The following SOCS4 variants were observed in gnomAD, a reference collection of about 807,000 sequenced individuals.
SOCS4 encodes SH2 domain containing SOCS box protein.
In SOCS4, 20 loss-of-function variants were observed where a neutral mutation model predicts 34.1. That is an observed-to-expected ratio of 0.59 (90% CI 0.41 to 0.85). The LOEUF is 0.85. Among genes scored for constraint, SOCS4 ranks in the 40% least tolerant of loss-of-function variants. The probability of loss-of-function intolerance (pLI) is 0.00; values close to 1 mark genes in which losing one functional copy is unlikely to be tolerated. For synonymous variants in SOCS4, 180 were observed against 186.4 expected, an observed-to-expected ratio of 0.97 and a Z score of 0.28; for missense variants, 479 against 532.4, an observed-to-expected ratio of 0.90 and a Z score of 0.99.
At chr14:55,041,413 A>G (rs1334171812) in intron 2 of SOCS4, among the ~76,000 whole-genome samples, 1 of 133,826 alleles carries the variant, frequency 7.5e-6, no homozygotes, top group Non-Finnish European at 1.6e-5. Flanking sequence ...TTTGTTGCAA[A>G]ATTTATTTTT....
chr14:55,036,370 TCTCA>T (rs1035678563), intron 2 of SOCS4, among the ~76,000 whole-genome samples: 1 of 151,290 alleles, frequency 6.6e-6, no homozygotes, highest in Non-Finnish European at 1.5e-5. Flanking sequence ...TGAGATGAAG[TCTCA>T]CTCTTGTCCC....
chr14:55,028,201 G>A (rs1394978681), intron 1 of SOCS4, among the ~76,000 whole-genome samples: 1 of 151,986 alleles, frequency 6.6e-6, no homozygotes, highest in Non-Finnish European at 1.5e-5. Flanking sequence ...AAACACACAG[G>A]CAAACCGTCG....
intron 1 of SOCS4, among the ~76,000 whole-genome samples, chr14:55,030,436 C>T (rs2042518593): frequency 6.6e-6 from 1 of 151,918 alleles, no homozygotes; most frequent in African/African-American, 2.4e-5. Flanking sequence ...AATGGAAGAG[C>T]CTCCTTGACT....
chr14:55,035,229 A>G (rs922456012), intron 2 of SOCS4, among the ~76,000 whole-genome samples: 6 of 152,296 alleles, frequency 3.9e-5, no homozygotes, highest in Admixed American at 3.3e-4. Context: ...TTTTCACTTT[A>G]TTTTATGGAC....
intron 2 of SOCS4, among the ~76,000 whole-genome samples, chr14:55,040,605 G>A (rs940220386): frequency 4.0e-5 from 6 of 151,852 alleles, no homozygotes; most frequent in East Asian, 1.9e-4. Flanking sequence ...TTAGCCGGGC[G>A]TGGTGGTGGG....
chr14:55,046,577 ATTGC>A lies in SOCS4; in HGVS notation c.*2217_*2220del, dbSNP rs1307013270. 6.0e-6 allele frequency: 1 copy of A among 166,872 alleles called. No individual in the cohort carries two copies. Among genetic ancestry groups the A allele is most frequent in the African/African-American group, 2.4e-5 (1 of 41,420 alleles). The allele number at this position is 166,872 out of a possible 1,614,324, so 10.3% of individuals were successfully genotyped here. Reference sequence around the variant, plus strand: ...GTACCTTTTCATATAATTCAAACTGATTGCTTGTGATATGTTTTCTCTGGCTTTT... The same window carrying A: ...GTACCTTTTCATATAATTCAAACTGATTGTGATATGTTTTCTCTGGCTTTT... On this transcript the variant is annotated 3_prime_UTR_variant, in exon 3 of 3. Coordinates refer to ENST00000555846, the MANE Select transcript of SOCS4 (RefSeq NM_199421.2).
Position 55,044,148 on chromosome 14 carries a change from C to A in SOCS4, c.1107C>A (p.Ala369=). Residue 369 remains alanine (A), a synonymous_variant, in exon 3 of 3, where the codon GCC becomes GCA. Coordinates refer to ENST00000555846, the MANE Select transcript of SOCS4 (RefSeq NM_199421.2). ...TAGAACATTATAAGGACCCAAGCGC[C>A]TGTATGTTCTTTGAACCACTTCTAT... The part of the protein sequence containing the change: ...GLLEHYKDPS[A]CMFFEPLLST... 1 of 1,614,110 alleles carries A rather than the reference C, an allele frequency of 6.2e-7. No homozygotes were observed.
intron 2 of SOCS4, among the ~76,000 whole-genome samples, chr14:55,034,452 G>A (rs986836084): frequency 2.6e-5 from 4 of 152,160 alleles, no homozygotes; most frequent in Non-Finnish European, 4.4e-5. Context: ...TCTTGAGCAT[G>A]AACTTAACAG....
chr14:55,034,101 C>G (rs1351075942), intron 2 of SOCS4, among the ~76,000 whole-genome samples: 1 of 152,136 alleles, frequency 6.6e-6, no homozygotes, highest in Non-Finnish European at 1.5e-5. Context: ...CTGCTGCACT[C>G]CACCCTGGGT....
At chr14:55,037,054 T>C (rs899408399) in intron 2 of SOCS4, among the ~76,000 whole-genome samples, 1 of 152,000 alleles carries the variant, frequency 6.6e-6, no homozygotes, top group African/African-American at 2.4e-5. Context: ...GAAACAGAGG[T>C]TGCAGTGAGC....
rs145972078 is a variant in SOCS4, at chr14:55,044,172, A to G, written c.1131A>G (p.Leu377=). 2.5e-6 allele frequency: 4 copies of G among 1,614,036 alleles called. No homozygotes were observed. The highest frequency in any genetic ancestry group is 1.7e-6 in the Non-Finnish European group (2 of 1,179,964). Residue 377 remains leucine (L), a synonymous_variant, in exon 3 of 3, where the codon CTA becomes CTG. Transcript: ENST00000555846. ...CCTGTATGTTCTTTGAACCACTTCTATCCACTCCCTTAATTCGGACTTTCC... is the reference window on the plus strand; with the variant it reads ...CCTGTATGTTCTTTGAACCACTTCTGTCCACTCCCTTAATTCGGACTTTCC... ...PSACMFFEPL[L]STPLIRTFPF... is the part of the protein sequence containing the mutation.
At position 55,043,546 on chromosome 14, in the gene SOCS4, A is replaced by G; in HGVS notation, c.505A>G (p.Thr169Ala). ...ATGGGTAAGCACAGACTTGTCTCAG[A>G]CTGAATTGAGGGATGGTCAGCTAAA... Reference protein sequence around the residue: ...DEWVSTDLSQTELRDGQLKRR... With the variant: ...DEWVSTDLSQAELRDGQLKRR... Residue 169 changes from threonine (T) to alanine (A), a missense_variant, in exon 3 of 3, where the codon ACT (threonine) becomes GCT (alanine). By Grantham distance (58) the Thr-to-Ala change is moderately conservative (BLOSUM62 0). Transcript: ENST00000555846. 1.2e-6 allele frequency: 2 copies of G among 1,614,184 alleles called. No homozygotes were observed. Among genetic ancestry groups the G allele is most frequent in the South Asian group, 1.1e-5 (1 of 91,082 alleles).
intron 2 of SOCS4, among the ~76,000 whole-genome samples, chr14:55,039,409 G>A (rs1220328603): frequency 2.0e-5 from 3 of 152,186 alleles, no homozygotes; most frequent in East Asian, 3.9e-4. Flanking sequence ...CTGCACTCCA[G>A]CCTGGGCGAT....
At chr14:55,032,471 G>C (rs2042536391) in intron 2 of SOCS4, among the ~76,000 whole-genome samples, 1 of 152,012 alleles carries the variant, frequency 6.6e-6, no homozygotes, top group African/African-American at 2.4e-5. Context: ...GTTTTCTTGA[G>C]AAGGCTTTTA....
rs933072258 is a variant in SOCS4, at chr14:55,047,772, A to T, written c.*3408A>T. On this transcript the variant is annotated 3_prime_UTR_variant, in exon 3 of 3. Transcript: ENST00000555846. ...CGGTATACAAATTCCATTTCTTTTT[A>T]TAAGAAAAACACATAAACCATTATC... 2 of 167,114 alleles carry T rather than the reference A, an allele frequency of 1.2e-5. No homozygotes were observed. The highest frequency in any genetic ancestry group is 2.9e-5 in the Non-Finnish European group (2 of 68,122). The allele number at this position is 167,114 out of a possible 1,614,324, so 10.4% of individuals were successfully genotyped here.
rs1048921286 is a variant in SOCS4 at position 55,045,408 on chromosome 14, G to A, written c.*1044G>A. 6.0e-6 allele frequency: 1 copy of A among 166,880 alleles called. No homozygotes were observed. The highest frequency in any genetic ancestry group is 1.5e-5 in the Non-Finnish European group (1 of 68,014). 10.3% of individuals were successfully genotyped at this position (166,880 alleles called of 1,614,324 possible). A position where few individuals can be genotyped will look rare whatever the true frequency, so the allele number is the denominator to read the frequency against. On this transcript the variant is annotated 3_prime_UTR_variant, in exon 3 of 3. Transcript: ENST00000555846. ...AAGTTGAATTTGAATAAAGATTCCA[G>A]AAATAAACATGGAGCTCAGTATTCA...
In SOCS4 at chr14:55,038,414, T is replaced by C. The variant is rs149334276; in HGVS notation, c.-90-4538T>C. On this transcript the variant is annotated intron_variant, in intron 2 of 2. Transcript: ENST00000555846. ...TGGATATGTGTGCTTCACTGTATGC[T>C]TGGGTGGTCTTCTAGCTTTTTATTG... Among the ~76,000 whole-genome samples the C allele has an allele frequency of 1.3e-3, 197 of 152,320 alleles. 9 individuals carry two copies. The East Asian group carries it at 0.034, about 26-fold the overall frequency.
intron 2 of SOCS4, among the ~76,000 whole-genome samples, chr14:55,038,935 A>T (rs1040169408): frequency 2.0e-5 from 3 of 152,116 alleles, no homozygotes; most frequent in African/African-American, 7.2e-5. Flanking sequence ...TGTTTTCTGT[A>T]CTTCTATTTT....
chr14:55,041,692 C>G (rs2042619428), intron 2 of SOCS4, among the ~76,000 whole-genome samples: 1 of 150,468 alleles, frequency 6.6e-6, no homozygotes, highest in Non-Finnish European at 1.5e-5. Flanking sequence ...CCAGGCTGGT[C>G]TCGAACTCCT....
Sources: allele counts gnomAD v4.1 joint callset (sites outside exome capture counted in the v4.1 genomes callset), GRCh38; gene constraint gnomAD v4.1.1; transcripts MANE v1.5; gene names NCBI Gene and HGNC (gene_info 2026-07-23, HGNC 2026-07-21).